Variants in CNEP1R1 observed in about 807,000 individuals in gnomAD.
The protein encoded by CNEP1R1 is CTD nuclear envelope phosphatase 1 regulatory subunit 1, also known as nuclear envelope phosphatase-regulatory subunit 1.
In CNEP1R1, 10 loss-of-function variants were observed where a neutral mutation model predicts 22.7. The ratio of observed to expected loss-of-function variants is 0.44; its 90% CI spans 0.27 to 0.75. CNEP1R1 has a LOEUF of 0.75. CNEP1R1 is among the 30% of genes least tolerant of loss of function. The pLI is 0.17. For synonymous variants in CNEP1R1, 53 were observed against 50.1 expected, an observed-to-expected ratio of 1.06 and a Z score of -0.25; for missense variants, 73 against 151.5, an observed-to-expected ratio of 0.48 and a Z score of 2.72.
At position 50,036,306 on chromosome 16, in the gene CNEP1R1, T is replaced by C. The variant is rs868448447; in HGVS notation, c.*848T>C. ...GGCGCATGCCACCATGCCCAGCTAA[T>C]TTTTTTGTATTTTTAGTAGAGACGG... is the stretch of plus-strand genomic sequence containing the variant. On this transcript the variant is annotated 3_prime_UTR_variant, in exon 6 of 6. Coordinates refer to ENST00000427478, the MANE Select transcript of CNEP1R1 (RefSeq NM_001281789.2). The C allele has an allele frequency of 6.7e-6, 1 of 149,938 alleles. No homozygotes were observed. Among genetic ancestry groups the C allele is most frequent in the African/African-American group, 2.5e-5 (1 of 40,388 alleles). The allele number at this position is 149,938 out of a possible 1,614,324, so 9.3% of individuals were successfully genotyped here.
chr16:50,025,631 ATTTCAT>A (rs1567409445), intron 1 of CNEP1R1: 2 of 1,609,100 alleles, frequency 1.2e-6, no homozygotes, highest in Middle Eastern at 1.6e-4. Flanking sequence ...CTGCTAATTC[ATTTCAT>A]TTCATTCTCA....
intron 1 of CNEP1R1, chr16:50,025,887 A>C: frequency 1.7e-6 from 1 of 597,566 alleles, no homozygotes; most frequent in Non-Finnish European, 3.0e-6. Context: ...CCCACTCGCT[A>C]TCAGTGTCAA....
chr16:50,032,948 T>G (rs1192195799), intron 3 of CNEP1R1, among the ~76,000 whole-genome samples: 2 of 150,858 alleles, frequency 1.3e-5, no homozygotes, highest in Non-Finnish European at 2.9e-5. Flanking sequence ...GAGGTTGCAG[T>G]GACCTGAGAA....
At position 50,035,592 on chromosome 16, in the gene CNEP1R1, A is replaced by G. The variant is rs2036269212; in HGVS notation, c.*134A>G. Reference sequence around the variant, plus strand: ...CAGCAACTGACAAGAAGTGTGCAATATTTACCTGGATTATCTTGATGATGG... The same window carrying G: ...CAGCAACTGACAAGAAGTGTGCAATGTTTACCTGGATTATCTTGATGATGG... On this transcript the variant is annotated 3_prime_UTR_variant, in exon 6 of 6. Transcript: ENST00000427478. 4.8e-6 allele frequency: 3 copies of G among 625,058 alleles called. No individual in the cohort carries two copies. The highest frequency in any genetic ancestry group is 3.7e-5 in the African/African-American group (2 of 53,760). The allele number at this position is 625,058 out of a possible 1,614,324, so 38.7% of individuals were successfully genotyped here. A position where few individuals can be genotyped will look rare whatever the true frequency, so the allele number is the denominator to read the frequency against.
At position 50,035,421 on chromosome 16, in the gene CNEP1R1, GA is replaced by G; in HGVS notation, c.345del (p.Lys115AsnfsTer2). 6.4e-7 allele frequency: 1 copy of G among 1,569,746 alleles called. No homozygotes were observed. The highest frequency in any genetic ancestry group is 2.3e-5 in the East Asian group (1 of 44,084). ...TCTGTCTTTTCATTTTTGCAGACAG[GA>G]AAACTAATTTTGAAACCTAGGCCTC... ...AEYNMSCDDT[G>X]KLILKPRPHV... On this transcript the variant is annotated frameshift_variant, in exon 6 of 6. Transcript: ENST00000427478. LOFTEE classifies it high-confidence loss of function.
intron 2 of CNEP1R1, 37 bp from the exon 3 acceptor site, chr16:50,029,688 G>A: frequency 8.2e-7 from 1 of 1,222,524 alleles, no homozygotes; most frequent in South Asian, 1.2e-5. Flanking sequence ...TATTAAGTAT[G>A]TATTTGCTTA....
chr16:50,037,028 T>G lies in CNEP1R1; in HGVS notation c.*1570T>G, dbSNP rs2036285714. 6.5e-6 allele frequency: 1 copy of G among 152,692 alleles called. No individual in the cohort carries two copies. The highest frequency in any genetic ancestry group is 1.9e-4 in the East Asian group (1 of 5,204). 9.5% of individuals were successfully genotyped at this position (152,692 alleles called of 1,614,324 possible). ...CTATATATTCTGCTTTGTTTTATTTTCTGTAAATTTTGTAGGTAAATATGT... is the reference window on the plus strand; with the variant it reads ...CTATATATTCTGCTTTGTTTTATTTGCTGTAAATTTTGTAGGTAAATATGT... On this transcript the variant is annotated 3_prime_UTR_variant, in exon 6 of 6. Transcript: ENST00000427478.
At chr16:50,034,692 G>A (rs975196198) in intron 5 of CNEP1R1, 7 of 156,156 alleles carry the variant, frequency 4.5e-5, no homozygotes, top group African/African-American at 1.7e-4. Context: ...CTTGAGTCCA[G>A]GAGTTTGAGA....
Position 50,025,431 on chromosome 16 carries a change from G to A in CNEP1R1, c.25+91G>A, listed in dbSNP as rs1597115306. ...CGGCGTCGTGAAGACCCCCGCCCCG[G>A]GAGGAGGCCGCAGAGGATGGAGCTA... On this transcript the variant is annotated intron_variant, in intron 1 of 5. Transcript: ENST00000427478. 4 of 1,312,884 alleles carry A rather than the reference G, an allele frequency of 3.0e-6. No homozygotes were observed. The African/African-American group carries it at 4.5e-5, about 15-fold the overall frequency. 81.3% of individuals were successfully genotyped at this position (1,312,884 alleles called of 1,614,324 possible).
rs2036216433 is a variant in CNEP1R1, at chr16:50,029,784, C to G, written c.157C>G (p.Pro53Ala). The change falls in exon 3 of 6, where the codon CCT (proline) becomes GCT (alanine). Residue 53 changes from proline to alanine, a missense_variant. Pro to Ala is a conservative substitution (Grantham distance 27, BLOSUM62 -1). Coordinates refer to ENST00000427478, the MANE Select transcript of CNEP1R1 (RefSeq NM_001281789.2). ...ATGAWNWLID[P>A]ETQKVSFFTS... The stretch of plus-strand genomic sequence containing the variant: ...TGGTGCCTGGAACTGGTTAATAGAC[C>G]CTGAGACACAAAAGGTAGAAGTTTT... 1.3e-6 allele frequency: 2 copies of G among 1,599,294 alleles called. No homozygotes were observed. Among genetic ancestry groups the G allele is most frequent in the South Asian group, 2.2e-5 (2 of 90,460 alleles).
chr16:50,026,672 C>A lies in CNEP1R1; in HGVS notation c.97+205C>A, dbSNP rs1357260323. ...ATTTCGTGTGGTTGTTTTTGTTTTT[C>A]CATTAAAAAACATATTTTTTGGCCA... On this transcript the variant is annotated intron_variant, in intron 2 of 5. Coordinates refer to ENST00000427478, the MANE Select transcript of CNEP1R1 (RefSeq NM_001281789.2). 5 of 552,200 alleles carry A rather than the reference C, an allele frequency of 9.1e-6. No individual in the cohort carries two copies. The East Asian group carries it at 1.2e-4, about 13-fold the overall frequency. 34.2% of individuals were successfully genotyped at this position (552,200 alleles called of 1,614,324 possible).
chr16:50,032,149 C>T (rs1168809094), intron 3 of CNEP1R1, among the ~76,000 whole-genome samples: 5 of 152,162 alleles, frequency 3.3e-5, no homozygotes, highest in African/African-American at 1.2e-4. Flanking sequence ...AAACACGTGC[C>T]TGCGCGTCTC....
rs1483600436 is a variant in CNEP1R1 at position 50,036,078 on chromosome 16, A to G, written c.*620A>G. On this transcript the variant is annotated 3_prime_UTR_variant, in exon 6 of 6. Transcript: ENST00000427478. ...GAACTCCAGCAACTATTGTGGTTATATTTTTAGTTCATTGTTCTCATTTAA... is the reference window on the plus strand; with the variant it reads ...GAACTCCAGCAACTATTGTGGTTATGTTTTTAGTTCATTGTTCTCATTTAA... The G allele has an allele frequency of 2.0e-5, 3 of 149,162 alleles. No individual in the cohort carries two copies. Among genetic ancestry groups the G allele is most frequent in the Non-Finnish European group, 3.0e-5 (2 of 67,118 alleles). The allele number at this position is 149,162 out of a possible 1,614,324, so 9.2% of individuals were successfully genotyped here. A position where few individuals can be genotyped will look rare whatever the true frequency, so the allele number is the denominator to read the frequency against.
chr16:50,031,865 A>G (rs2036233864), intron 3 of CNEP1R1, among the ~76,000 whole-genome samples: 1 of 152,182 alleles, frequency 6.6e-6, no homozygotes, highest in African/African-American at 2.4e-5. Flanking sequence ...GAGTGTTGCC[A>G]TGGAGGGAGG....
chr16:50,034,748 TA>T (rs1292739055), intron 5 of CNEP1R1: 1 of 153,758 alleles, frequency 6.5e-6, no homozygotes, highest in African/African-American at 2.4e-5. Flanking sequence ...CAAAAAAATG[TA>T]AAAATTAGCC....
chr16:50,034,207 A>G (rs1031016158), intron 5 of CNEP1R1, 51 bp downstream of exon 5: 51 of 1,362,258 alleles, frequency 3.7e-5, no homozygotes, highest in Non-Finnish European at 5.0e-5. Context: ...AAACACTGAA[A>G]TTTTTGGCTT....
chr16:50,028,930 G>A (rs1224655605), intron 2 of CNEP1R1, among the ~76,000 whole-genome samples: 1 of 151,876 alleles, frequency 6.6e-6, no homozygotes, highest in East Asian at 1.9e-4. Context: ...GATAATTAAG[G>A]TTTTACTATA....
intron 1 of CNEP1R1, chr16:50,025,718 C>T (rs928928154): frequency 6.2e-7 from 1 of 1,611,590 alleles, no homozygotes; most frequent in East Asian, 2.2e-5. Flanking sequence ...AAGTGCTGCT[C>T]GGTGTTTTAA....
chr16:50,035,360 A>C, intron 5 of CNEP1R1, 57 bp from the exon 6 acceptor site: 1 of 916,952 alleles, frequency 1.1e-6, no homozygotes, highest in South Asian at 1.4e-5. Context: ...ATAAATAAGC[A>C]GTGGTATTTT....
Sources: allele counts gnomAD v4.1 joint callset (sites outside exome capture counted in the v4.1 genomes callset), GRCh38; gene constraint gnomAD v4.1.1; transcripts MANE v1.5; gene names NCBI Gene and HGNC (gene_info 2026-07-23, HGNC 2026-07-21).